Variants in CES3 observed in about 807,000 individuals in gnomAD.
The protein encoded by CES3 is carboxylesterase 3 (brain).
Under a neutral mutation model 57.6 loss-of-function variants are expected in CES3, and 49 were observed. The observed-to-expected ratio is 0.85, with a 90% CI of 0.68 to 1.08. CES3 has a LOEUF of 1.08. Ranked by LOEUF, CES3 falls within the 50% of genes least tolerant of loss-of-function variation. The pLI, the probability that CES3 is intolerant of heterozygous loss-of-function variation, is 0.00. For missense variants in CES3, 645 were observed against 742.0 expected (o/e 0.87, Z 1.52); for synonymous variants, 266 against 281.6 (o/e 0.94, Z 0.55).
intron 8 of CES3, chr16:66,967,529 C>T: frequency 1.0e-6 from 1 of 985,522 alleles, no homozygotes; most frequent in Non-Finnish European, 1.2e-6. Flanking sequence ...AGATATCAAG[C>T]CACCGGGGAC....
At chr16:66,962,736 A>C (rs1479468389) in intron 1 of CES3, among the ~76,000 whole-genome samples, 2 of 152,202 alleles carry the variant, frequency 1.3e-5, no homozygotes, top group African/African-American at 4.8e-5. Flanking sequence ...GTCTCTACTA[A>C]AAATACAAAA....
intron 8 of CES3, among the ~76,000 whole-genome samples, chr16:66,968,223 G>A (rs1332879183): frequency 2.0e-5 from 3 of 152,258 alleles, no homozygotes; most frequent in Non-Finnish European, 2.9e-5. Context: ...GCAATGGCGC[G>A]ATCTTAGCTC....
At position 66,969,997 on chromosome 16, in the gene CES3, G is replaced by A. The variant is rs535718359; in HGVS notation, c.1143+238G>A. Among the ~76,000 whole-genome samples the A allele has an allele frequency of 3.3e-3, 502 of 152,134 alleles. 3 individuals carry two copies. The highest frequency in any genetic ancestry group is 5.8e-3 in the Non-Finnish European group (396 of 67,990). On this transcript the variant is annotated intron_variant, in intron 9 of 12. Transcript: ENST00000303334. The stretch of plus-strand genomic sequence containing the variant: ...CATCATCGTCAACATGAAACTGCCC[G>A]TTAATGAGCACATATTACGTGCCAG...
chr16:66,962,713 A>G (rs536877167), intron 1 of CES3, among the ~76,000 whole-genome samples: 12 of 152,302 alleles, frequency 7.9e-5, no homozygotes, highest in African/African-American at 2.9e-4. Flanking sequence ...CCTGGCCAAC[A>G]TGATGAAACC....
In CES3 at chr16:66,966,231, C is replaced by T. The variant is rs748640076; in HGVS notation, c.820-13C>T. On this transcript the variant is annotated splice_polypyrimidine_tract_variant and intron_variant, in intron 6 of 12. Transcript: ENST00000303334. ...GGCTGAGAGGGAGGCATGACTCTTT[C>T]ATTTGTCCCCAGAAAATCGCAAACA... 2 of 1,611,306 alleles carry T rather than the reference C, an allele frequency of 1.2e-6. No individual in the cohort carries two copies. The highest frequency in any genetic ancestry group is 1.7e-6 in the Non-Finnish European group (2 of 1,179,610).
Position 66,964,732 on chromosome 16 carries a change from G to T in CES3, c.819+5G>T, listed in dbSNP as rs1963706917. The T allele has an allele frequency of 6.2e-7, 1 of 1,611,578 alleles. No homozygotes were observed. The highest frequency in any genetic ancestry group is 1.1e-5 in the South Asian group (1 of 90,976). ...CACCCTTGGCCCCTAGCTCAGGTCT[G>T]TATTTCCTTCCCTCTCTTACTCTAT... On this transcript the variant is annotated splice_donor_5th_base_variant and intron_variant, in intron 6 of 12. Coordinates refer to ENST00000303334, the MANE Select transcript of CES3 (RefSeq NM_024922.6).
intron 9 of CES3, 101 bp from the exon 10 acceptor site, chr16:66,971,071 T>A (rs1963823337): frequency 1.5e-6 from 2 of 1,355,450 alleles, no homozygotes; most frequent in East Asian, 5.0e-5. Context: ...CCATCAGCCC[T>A]GGGATTTGAG....
At chr16:66,962,639 G>A (rs935077773) in intron 1 of CES3, among the ~76,000 whole-genome samples, 3 of 152,204 alleles carry the variant, frequency 2.0e-5, no homozygotes, top group Admixed American at 6.5e-5. Context: ...GCTCATGCCT[G>A]TAATGCCAGC....
rs773652862 is a variant in CES3 at position 66,972,948 on chromosome 16, T to C, written c.1615T>C (p.Phe539Leu). The C allele has an allele frequency of 1.5e-5, 25 of 1,613,950 alleles. No individual in the cohort carries two copies. The highest frequency in any genetic ancestry group is 2.7e-5 in the African/African-American group (2 of 74,912). ...INPVPRAGQK[F>L]REAWMQFWSE... ...CCCAGTGCCACGGGCCGGACAGAAG[T>C]TCAGGGAGGCCTGGATGCAGTTCTG... Residue 539 changes from phenylalanine (F) to leucine (L), a missense_variant, in exon 13 of 13, where the codon TTC becomes CTC. Transcript: ENST00000303334.
intron 8 of CES3, chr16:66,967,854 C>A: frequency 1.4e-6 from 1 of 711,936 alleles, no homozygotes; most frequent in Non-Finnish European, 1.7e-6. Context: ...CTCAACCTCT[C>A]AGGCCCGAGC....
intron 10 of CES3, 118 bp from the exon 11 acceptor site, chr16:66,972,238 T>C: frequency 9.0e-7 from 1 of 1,105,194 alleles, no homozygotes; most frequent in Non-Finnish European, 1.3e-6. Flanking sequence ...CAGCTAGTCA[T>C]TTTATCATCA....
In CES3 at chr16:66,966,752, G is replaced by A. The variant is rs776184120; in HGVS notation, c.949G>A (p.Asp317Asn). ...LKNTIYPLTV[D>N]GTVFPKSPKE... ...AAATACTATCTATCCTCTCACCGTT[G>A]ATGGCACTGTCTTCCCCAAAAGCCC... The change falls in exon 8 of 13, where the codon GAT (aspartate) becomes AAT (asparagine). Residue 317 changes from aspartate (D) to asparagine (N), a missense_variant. By Grantham distance (23) the Asp-to-Asn change is conservative. Transcript: ENST00000303334. 22 of 1,614,116 alleles carry A rather than the reference G, an allele frequency of 1.4e-5. No homozygotes were observed. The highest frequency in any genetic ancestry group is 1.9e-5 in the Non-Finnish European group (22 of 1,180,024).
At chr16:66,971,101 T>A in intron 9 of CES3, 71 bp from the exon 10 acceptor site, 4 of 1,520,970 alleles carry the variant, frequency 2.6e-6, no homozygotes, top group Non-Finnish European at 3.6e-6. Context: ...GCTGGAGAGT[T>A]TGGGGCTTCC....
rs938191512 is a variant in CES3, at chr16:66,966,561, C to T, written c.922-164C>T. 8 of 914,476 alleles carry T rather than the reference C, an allele frequency of 8.7e-6. No homozygotes were observed. In the South Asian group the frequency reaches 1.1e-4, roughly 13 times the overall value. The allele number at this position is 914,476 out of a possible 1,614,324, so 56.6% of individuals were successfully genotyped here. A position where few individuals can be genotyped will look rare whatever the true frequency, so the allele number is the denominator to read the frequency against. On this transcript the variant is annotated intron_variant, in intron 7 of 12. Transcript: ENST00000303334. ...GAAAGAAACTGGACGCATCTGTTGC[C>T]CTGATCTCCTGGTTCCCCCGACCCC...
intron 5 of CES3, 24 bp downstream of exon 5, chr16:66,964,534 G>T (rs1342102445): frequency 6.2e-7 from 1 of 1,613,106 alleles, no homozygotes; most frequent in East Asian, 2.2e-5. Flanking sequence ...GGGGGCTAGT[G>T]ATGGTGGCCA....
At chr16:66,968,463 G>C (rs140002384) in intron 8 of CES3, among the ~76,000 whole-genome samples, 6 of 152,246 alleles carry the variant, frequency 3.9e-5, no homozygotes, top group African/African-American at 1.4e-4. Flanking sequence ...GCTGCACCCG[G>C]TCCTGGCAAC....
rs369272818 is a variant in CES3 at position 66,970,109 on chromosome 16, G to GT, written c.1143+367dup. The stretch of plus-strand genomic sequence containing the variant: ...TGTTTTCTTTTCTTTTCTTTTCTTT[G>GT]TTTTTTTTTTTTTTTTTGAGACAGA... On this transcript the variant is annotated intron_variant, in intron 9 of 12. Transcript: ENST00000303334. 6.5e-3 allele frequency among the ~76,000 whole-genome samples: 834 copies of GT among 127,950 alleles called. 8 individuals are homozygous for GT. Among genetic ancestry groups the GT allele is most frequent in the Middle Eastern group, 0.031 (8 of 254 alleles). The allele number at this position is 127,950 out of a possible 152,430, so 83.9% of individuals were successfully genotyped here. A position where few individuals can be genotyped will look rare whatever the true frequency, so the allele number is the denominator to read the frequency against.
rs1963688119 is a variant in CES3 at position 66,963,706 on chromosome 16, A to G, written c.426+77A>G. 4 of 1,612,820 alleles carry G rather than the reference A, an allele frequency of 2.5e-6. No homozygotes were observed. The African/African-American group carries it at 4.0e-5, about 16-fold the overall frequency. On this transcript the variant is annotated intron_variant, in intron 3 of 12. Coordinates refer to ENST00000303334, the MANE Select transcript of CES3 (RefSeq NM_024922.6). The surrounding 1 kb of genome is among the most constrained non-coding windows in gnomAD (Gnocchi z 4.9). The stretch of plus-strand genomic sequence containing the variant: ...CTGTCCCCTCCCCGTCCCTGTTTCC[A>G]AAGCACCCTAGCGGTCCTGAGACTG...
chr16:66,963,744 G>A lies in CES3; in HGVS notation c.427-58G>A. 6.2e-7 allele frequency: 1 copy of A among 1,609,460 alleles called. No homozygotes were observed. Among genetic ancestry groups the A allele is most frequent in the Non-Finnish European group, 8.5e-7 (1 of 1,176,206 alleles). On this transcript the variant is annotated intron_variant, in intron 3 of 12. Transcript: ENST00000303334. The surrounding 1 kb of genome is among the most constrained non-coding windows in gnomAD (Gnocchi z 4.9). ...GGTCCTGAGACTGCCTGGGCTGGCAGGTGGGCAGCTAAGGTCTCAGGAGCT... is the reference window on the plus strand; with the variant it reads ...GGTCCTGAGACTGCCTGGGCTGGCAAGTGGGCAGCTAAGGTCTCAGGAGCT...
Sources: allele counts gnomAD v4.1 joint callset (sites outside exome capture counted in the v4.1 genomes callset), GRCh38; gene constraint gnomAD v4.1.1; non-coding constraint Gnocchi (gnomAD v3.1); transcripts MANE v1.5; gene names NCBI Gene and HGNC (gene_info 2026-07-23, HGNC 2026-07-21).